MYH11: variants seen among roughly 807,000 people sequenced by gnomAD.
The protein encoded by MYH11 is myosin heavy chain 11.
MYH11 carries 80 observed loss-of-function variants against 246.6 expected under a neutral mutation model. The observed-to-expected ratio is 0.32, with a 90% CI of 0.27 to 0.39. The LOEUF is 0.39. Ranked by LOEUF, MYH11 falls within the 10% of genes least tolerant of loss-of-function variation. The pLI, the probability that MYH11 is intolerant of heterozygous loss-of-function variation, is 1.00. For synonymous variants in MYH11, 1,071 were observed against 1,015.5 expected (o/e 1.05, Z -1.04); for missense variants, 2,158 against 2,546.8 (o/e 0.85, Z 3.29).
chr16:15,755,296 G>A (rs1485147133), intron 14 of MYH11, among the ~76,000 whole-genome samples: 1 of 152,064 alleles, frequency 6.6e-6, no homozygotes, highest in East Asian at 1.9e-4. Context: ...GCCAAGGCAT[G>A]TTGATGATGA....
chr16:15,780,607 C>T (rs903086295), intron 6 of MYH11, among the ~76,000 whole-genome samples: 2 of 151,226 alleles, frequency 1.3e-5, no homozygotes, highest in African/African-American at 4.9e-5. Context: ...CTCAGCCTCC[C>T]GAGTAGCTGG....
chr16:15,735,650 C>G (rs2041096836), intron 25 of MYH11, 72 bp from the exon 26 acceptor site: 2 of 1,483,838 alleles, frequency 1.3e-6, no homozygotes, highest in East Asian at 4.5e-5. Flanking sequence ...TGGCCAAAAA[C>G]TTTTCTGGGA....
At chr16:15,708,822 T>C in intron 40 of MYH11, 1 of 1,609,780 alleles carries the variant, frequency 6.2e-7, no homozygotes, top group Non-Finnish European at 8.5e-7. Flanking sequence ...CACTGCGAAG[T>C]TTCCTGTGGG....
intron 3 of MYH11, among the ~76,000 whole-genome samples, chr16:15,814,140 C>G: frequency 9.6e-6 from 1 of 104,052 alleles, no homozygotes; most frequent in South Asian, 3.1e-4. Flanking sequence ...CTCCATCCCC[C>G]AAAAAAAAAC....
chr16:15,844,803 T>A (rs1441006627), intron 1 of MYH11, among the ~76,000 whole-genome samples: 1 of 152,092 alleles, frequency 6.6e-6, no homozygotes, highest in East Asian at 1.9e-4. Context: ...TGAGCTATGA[T>A]TACATCACTG....
At chr16:15,714,882 G>T (rs757916188) in intron 40 of MYH11, 27 bp downstream of exon 40, 1 of 1,612,136 alleles carries the variant, frequency 6.2e-7, no homozygotes, top group Admixed American at 1.7e-5. Flanking sequence ...TGAGAGACGG[G>T]GTCCTCCCGG....
chr16:15,708,861 C>T, intron 40 of MYH11: 16 of 1,608,192 alleles, frequency 9.9e-6, no homozygotes, highest in Non-Finnish European at 1.3e-5. Context: ...AGAGAGAATC[C>T]CCGGAGGTTA....
chr16:15,718,196 CTT>C, intron 37 of MYH11, 117 bp downstream of exon 37: 1 of 1,532,492 alleles, frequency 6.5e-7, no homozygotes, highest in Non-Finnish European at 8.9e-7. Context: ...CCACCACCCT[CTT>C]GTCCCTCAAT....
intron 4 of MYH11, among the ~76,000 whole-genome samples, chr16:15,790,201 G>A (rs1308584027): frequency 1.3e-5 from 2 of 152,066 alleles, no homozygotes; most frequent in Non-Finnish European, 1.5e-5. Context: ...GCTACTTGGG[G>A]AGCTGAGGCA....
intron 5 of MYH11, chr16:15,782,705 C>T: frequency 1.9e-6 from 1 of 524,778 alleles, no homozygotes; most frequent in South Asian, 2.1e-5. Flanking sequence ...AGGAAGGTCA[C>T]TTTTTTCAAG....
chr16:15,815,503 A>C (rs2043242363), intron 3 of MYH11, among the ~76,000 whole-genome samples: 1 of 152,190 alleles, frequency 6.6e-6, no homozygotes, highest in Non-Finnish European at 1.5e-5. Flanking sequence ...AAAGTGATGA[A>C]AATGACAAAA....
Position 15,750,245 on chromosome 16 carries a change from G to C in MYH11, c.1951C>G (p.Arg651Gly), listed in dbSNP as rs1160451543. ...TCCTTGTACAGCTGCCCCACTGTGC[G>C]GAACATGCCCTTCTTGGTCTTGGAG... The part of the protein sequence containing the change: ...SASKTKKGMF[R>G]TVGQLYKEQL... The change falls in exon 16 of 41, where the codon CGC (arginine) becomes GGC (glycine). Residue 651 changes from arginine to glycine, a missense_variant. Physicochemically the swap from Arg to Gly is moderately radical, Grantham distance 125. This residue lies in a region of MYH11 where 317 missense variants were observed against 507.7 expected (regional missense o/e 0.62). Coordinates refer to ENST00000300036, the MANE Select transcript of MYH11 (RefSeq NM_002474.3). This position sits in a 1 kb window ranked among gnomAD's most constrained non-coding sequence, Gnocchi z 4.3. 2 of 1,614,198 alleles carry C rather than the reference G, an allele frequency of 1.2e-6. No individual in the cohort carries two copies. The highest frequency in any genetic ancestry group is 8.5e-7 in the Non-Finnish European group (1 of 1,180,036).
At chr16:15,840,172 G>A (rs1485873256) in intron 1 of MYH11, among the ~76,000 whole-genome samples, 1 of 152,176 alleles carries the variant, frequency 6.6e-6, no homozygotes, top group Non-Finnish European at 1.5e-5. Context: ...ATTCCCTGTG[G>A]TCATGGTGGT....
chr16:15,806,876 G>A (rs368254817), intron 3 of MYH11, among the ~76,000 whole-genome samples: 3 of 152,142 alleles, frequency 2.0e-5, no homozygotes, highest in African/African-American at 4.8e-5. Flanking sequence ...AATGGAAAAT[G>A]CATATTCACG....
intron 26 of MYH11, 127 bp downstream of exon 26, chr16:15,735,239 A>C: frequency 1.9e-6 from 2 of 1,055,264 alleles, no homozygotes; most frequent in East Asian, 2.4e-5. Context: ...AAGTTAAAGC[A>C]AACCGCGGCC....
intron 16 of MYH11, chr16:15,749,644 G>A (rs1026654225): frequency 3.4e-5 from 6 of 176,602 alleles, no homozygotes; most frequent in Admixed American, 2.7e-4. Flanking sequence ...GGGGGTTGAG[G>A]GACCATCCTG....
intron 22 of MYH11, 106 bp from the exon 23 acceptor site, chr16:15,740,294 A>G: frequency 6.5e-7 from 1 of 1,539,640 alleles, no homozygotes; most frequent in Non-Finnish European, 8.9e-7. Context: ...GATGCCCAGA[A>G]CTCTGTAGCC....
chr16:15,714,578 T>C lies in MYH11; in HGVS notation c.5786+331A>G. On this transcript the variant is annotated intron_variant, in intron 40 of 40. Transcript: ENST00000300036. ...GGGGTGGTGTTGCAGCTTCAATGGA[T>C]GTCGTGAAGACTCAGTGATGCAATG... 3 of 465,280 alleles carry C rather than the reference T, an allele frequency of 6.4e-6. No homozygotes were observed. In the South Asian group the frequency reaches 7.2e-5, roughly 11 times the overall value. The allele number at this position is 465,280 out of a possible 1,614,324, so 28.8% of individuals were successfully genotyped here.
At chr16:15,718,636 C>G in intron 36 of MYH11, 198 bp from the exon 37 acceptor site, 1 of 766,800 alleles carries the variant, frequency 1.3e-6, no homozygotes, top group Non-Finnish European at 2.0e-6. Flanking sequence ...TCCGTGTCAG[C>G]AAAGCTGGGA....
Sources: allele counts gnomAD v4.1 joint callset (sites outside exome capture counted in the v4.1 genomes callset), GRCh38; gene constraint gnomAD v4.1.1; regional missense constraint gnomAD v4.1.1; non-coding constraint Gnocchi (gnomAD v3.1); transcripts MANE v1.5; gene names NCBI Gene and HGNC (gene_info 2026-07-23, HGNC 2026-07-21).